TSPEAR: variants seen among roughly 807,000 people sequenced by gnomAD.
TSPEAR encodes thrombospondin-type laminin G domain and EAR repeat-containing protein.
TSPEAR carries 69 observed loss-of-function variants against 71.6 expected under a neutral mutation model. The ratio of observed to expected loss-of-function variants is 0.96; its 90% CI spans 0.79 to 1.18. The LOEUF (loss-of-function observed/expected upper bound fraction) is 1.18. Ranked by LOEUF, TSPEAR falls within the 50% of genes most tolerant of loss-of-function variation. The pLI is 0.00. For missense variants in TSPEAR, 971 were observed against 894.9 expected (o/e 1.09, Z -1.09); for synonymous variants, 402 against 387.2 (o/e 1.04, Z -0.45).
chr21:44,570,668 T>C (rs1413684258), intron 1 of TSPEAR, among the ~76,000 whole-genome samples: 1 of 151,696 alleles, frequency 6.6e-6, no homozygotes, highest in African/African-American at 2.4e-5. Context: ...GATGAGGAAA[T>C]GGAACCCACA....
At chr21:44,586,633 C>T (rs1555925729) in intron 1 of TSPEAR, among the ~76,000 whole-genome samples, 1 of 152,106 alleles carries the variant, frequency 6.6e-6, no homozygotes, top group Non-Finnish European at 1.5e-5. Flanking sequence ...ATGTGCCCCT[C>T]CCCCAGCCTC....
chr21:44,543,527 G>T (rs1430311478), intron 2 of TSPEAR, among the ~76,000 whole-genome samples: 1 of 152,108 alleles, frequency 6.6e-6, no homozygotes, highest in East Asian at 1.9e-4. Context: ...CTCCCAATAT[G>T]ACCTTATATG....
At chr21:44,656,570 T>C (rs1985159378) in intron 1 of TSPEAR, among the ~76,000 whole-genome samples, 1 of 152,254 alleles carries the variant, frequency 6.6e-6, no homozygotes, top group Admixed American at 6.5e-5. Flanking sequence ...ATACCTTGTA[T>C]GAGAAGTGTC....
At chr21:44,530,989 G>T in intron 4 of TSPEAR, 54 bp downstream of exon 4, 1 of 1,417,034 alleles carries the variant, frequency 7.1e-7, no homozygotes. Context: ...AACTGGCCTG[G>T]GGCAGTCCCA....
At chr21:44,706,408 C>T (rs531631972) in intron 1 of TSPEAR, among the ~76,000 whole-genome samples, 1 of 151,680 alleles carries the variant, frequency 6.6e-6, no homozygotes, top group Non-Finnish European at 1.5e-5. Flanking sequence ...CGCACGCACC[C>T]ATGCACACAC....
chr21:44,589,930 G>A (rs782079009), intron 1 of TSPEAR, among the ~76,000 whole-genome samples: 12 of 152,276 alleles, frequency 7.9e-5, no homozygotes, highest in Non-Finnish European at 1.8e-4. Flanking sequence ...GAGAACCAGG[G>A]CAGGAAGAAA....
rs147943132 is a variant in TSPEAR, at chr21:44,682,295, G to A, written c.82+29138C>T. The stretch of plus-strand genomic sequence containing the variant: ...GTTTCCTGGAACTCAGTTTTCTGTC[G>A]TAGATGATGTTTTTTATCTGGCCCT... On this transcript the variant is annotated intron_variant, in intron 1 of 11. Transcript: ENST00000323084. 2.7e-3 allele frequency: 2,046 copies of A among 745,774 alleles called. 5 individuals are homozygous for A. The highest frequency in any genetic ancestry group is 0.012 in the Middle Eastern group (30 of 2,530). 46.2% of individuals were successfully genotyped at this position (745,774 alleles called of 1,614,324 possible). A position where few individuals can be genotyped will look rare whatever the true frequency, so the allele number is the denominator to read the frequency against.
intron 10 of TSPEAR, among the ~76,000 whole-genome samples, chr21:44,505,548 A>C: frequency 3.2e-5 from 3 of 94,144 alleles, no homozygotes; most frequent in Non-Finnish European, 4.2e-5. Flanking sequence ...GCACCCAGTA[A>C]ACATCACCCC....
intron 1 of TSPEAR, chr21:44,677,971 G>A: frequency 8.4e-7 from 1 of 1,187,554 alleles, no homozygotes; most frequent in East Asian, 2.4e-5. Flanking sequence ...GTCAACCACA[G>A]AGCTGCCTGA....
chr21:44,641,742 CAAG>C (rs1984031777), intron 1 of TSPEAR, among the ~76,000 whole-genome samples: 1 of 152,274 alleles, frequency 6.6e-6, no homozygotes, highest in African/African-American at 2.4e-5. Context: ...AAAGACTTCA[CAAG>C]AAGATCAAAG....
At chr21:44,562,313 T>C (rs1484831872) in intron 2 of TSPEAR, among the ~76,000 whole-genome samples, 2 of 152,170 alleles carry the variant, frequency 1.3e-5, no homozygotes, top group African/African-American at 4.8e-5. Flanking sequence ...TACAAATCAC[T>C]GCTCAAGGAA....
At chr21:44,666,899 C>G in intron 1 of TSPEAR, 1 of 1,611,662 alleles carries the variant, frequency 6.2e-7, no homozygotes, top group South Asian at 1.1e-5. Context: ...TGGCGTGTGG[C>G]TGGATAAGGT....
intron 1 of TSPEAR, among the ~76,000 whole-genome samples, chr21:44,588,673 AAT>A (rs1555925977): frequency 2.8e-5 from 1 of 35,988 alleles, no homozygotes; most frequent in South Asian, 8.4e-4. Flanking sequence ...TTATATATAT[AAT>A]ATATATATAT....
At chr21:44,650,172 C>T (rs958331567) in intron 1 of TSPEAR, among the ~76,000 whole-genome samples, 13 of 151,498 alleles carry the variant, frequency 8.6e-5, no homozygotes, top group Non-Finnish European at 1.6e-4. Flanking sequence ...GCCGTGATCG[C>T]GCCACTGCAC....
intron 1 of TSPEAR, among the ~76,000 whole-genome samples, chr21:44,575,891 CA>C (rs1978408281): frequency 6.6e-6 from 1 of 152,164 alleles, no homozygotes; most frequent in East Asian, 1.9e-4. Context: ...TCTCTAAGGT[CA>C]GGGAAGTAGG....
intron 1 of TSPEAR, among the ~76,000 whole-genome samples, chr21:44,630,347 G>A (rs1051004140): frequency 9.2e-5 from 14 of 152,194 alleles, no homozygotes; most frequent in African/African-American, 3.1e-4. Flanking sequence ...CTACACAGAG[G>A]CTTGGTCAGA....
intron 2 of TSPEAR, chr21:44,539,724 C>T: frequency 9.3e-6 from 15 of 1,609,294 alleles, no homozygotes; most frequent in Non-Finnish European, 1.3e-5. Context: ...CAAACAGGCA[C>T]ACAGCAGGAC....
At chr21:44,562,709 A>G (rs782658009) in intron 2 of TSPEAR, among the ~76,000 whole-genome samples, 2 of 152,188 alleles carry the variant, frequency 1.3e-5, no homozygotes, top group African/African-American at 2.4e-5. Context: ...AGGTAGTATG[A>G]TGGTACATTC....
intron 4 of TSPEAR, among the ~76,000 whole-genome samples, chr21:44,530,782 G>A (rs1339674127): frequency 6.6e-6 from 1 of 152,238 alleles, no homozygotes; most frequent in Non-Finnish European, 1.5e-5. Context: ...GGGGCTGCAG[G>A]GCAGAGTGTG....
Sources: gnomAD v4.1 joint callset for allele counts (sites outside exome capture counted in the v4.1 genomes callset) on GRCh38, gnomAD v4.1.1 for gene constraint, MANE v1.5 for transcripts, NCBI Gene and HGNC (gene_info 2026-07-23, HGNC 2026-07-21) for gene names.